The following GRID2 variants were observed in gnomAD, a reference collection of about 807,000 sequenced individuals.
The protein encoded by GRID2 is glutamate ionotropic receptor delta type subunit 2.
In GRID2, 33 loss-of-function variants were observed where a neutral mutation model predicts 114.8. That is an observed-to-expected ratio of 0.29 (90% confidence interval 0.22 to 0.38). The LOEUF is 0.38. GRID2 is among the 10% of genes least tolerant of loss of function. GRID2 has a pLI of 1.00. For missense variants in GRID2, 1,184 were observed against 1,257.7 expected (o/e 0.94, Z 0.89); for synonymous variants, 505 against 449.9 (o/e 1.12, Z -1.55).
intron 2 of GRID2, among the ~76,000 whole-genome samples, chr4:93,052,626 G>A (rs1368643457): frequency 1.3e-5 from 2 of 151,828 alleles, no homozygotes; most frequent in South Asian, 2.1e-4. Context: ...ACAATGTTAC[G>A]GGTCAACCAC....
intron 14 of GRID2, among the ~76,000 whole-genome samples, chr4:93,765,080 G>C (rs1402061760): frequency 6.6e-6 from 1 of 152,128 alleles, no homozygotes; most frequent in East Asian, 1.9e-4. Flanking sequence ...CTTATTATAA[G>C]AATTCATCCT....
intron 1 of GRID2, among the ~76,000 whole-genome samples, chr4:92,575,791 C>T (rs1377370129): frequency 6.6e-6 from 1 of 152,162 alleles, no homozygotes; most frequent in Non-Finnish European, 1.5e-5. Context: ...TCTGGACCAG[C>T]TGAGATATTT....
At position 92,912,543 on chromosome 4, in the gene GRID2, A is replaced by C. The variant is rs1748470861; in HGVS notation, c.245-172452A>C. Among the ~76,000 whole-genome samples, 3 of 151,890 alleles carry C rather than the reference A, an allele frequency of 2.0e-5. No individual in the cohort carries two copies. The South Asian group carries it at 6.2e-4, about 31-fold the overall frequency. On this transcript the variant is annotated intron_variant, in intron 2 of 15. Coordinates refer to ENST00000282020, the MANE Select transcript of GRID2 (RefSeq NM_001510.4). ...ATACCTTATTCCATAATATATATAAAGAAAGTTGTTATTATAGTCATTACC... is the reference window on the plus strand; with the variant it reads ...ATACCTTATTCCATAATATATATAACGAAAGTTGTTATTATAGTCATTACC...
Position 92,628,917 on chromosome 4 carries a change from G to A in GRID2, c.244+38631G>A, listed in dbSNP as rs529995111. On this transcript the variant is annotated intron_variant, in intron 2 of 15. Transcript: ENST00000282020. ...CATTTTCCTTTCACTTTTTCTTTGT[G>A]TGTTAGAATTTTATTTTGTGCCAGT... is the stretch of plus-strand genomic sequence containing the variant. Among the ~76,000 whole-genome samples, 71 of 151,702 alleles carry A rather than the reference G, an allele frequency of 4.7e-4. 1 individual carries two copies. The South Asian group carries it at 0.015, about 31-fold the overall frequency.
intron 8 of GRID2, among the ~76,000 whole-genome samples, chr4:93,263,349 T>C (rs1468168820): frequency 6.6e-6 from 1 of 152,034 alleles, no homozygotes; most frequent in East Asian, 1.9e-4. Context: ...CAGCAAGATA[T>C]CAGACTCATA....
At chr4:92,573,928 T>G (rs904155303) in intron 1 of GRID2, among the ~76,000 whole-genome samples, 11 of 152,176 alleles carry the variant, frequency 7.2e-5, no homozygotes, top group African/African-American at 2.4e-4. Context: ...ACAGTATTAC[T>G]TTGTAGAAGC....
At chr4:93,257,093 T>G (rs1749682057) in intron 8 of GRID2, among the ~76,000 whole-genome samples, 1 of 151,768 alleles carries the variant, frequency 6.6e-6, no homozygotes, top group South Asian at 2.1e-4. Flanking sequence ...AAGTCAATAA[T>G]AAGTAGAAAA....
intron 2 of GRID2, among the ~76,000 whole-genome samples, chr4:92,919,308 G>T (rs1165499109): frequency 6.6e-6 from 1 of 151,918 alleles, no homozygotes; most frequent in Non-Finnish European, 1.5e-5. Flanking sequence ...ACCAGCTCCT[G>T]GATTCATTGA....
intron 12 of GRID2, among the ~76,000 whole-genome samples, chr4:93,493,187 G>T (rs1727184294): frequency 6.6e-6 from 1 of 151,800 alleles, no homozygotes. Context: ...CAAAATTTAT[G>T]TAGTTCACAT....
At chr4:92,578,721 T>TATCAATCAATCA (rs1553902708) in intron 1 of GRID2, among the ~76,000 whole-genome samples, 2 of 138,496 alleles carry the variant, frequency 1.4e-5, no homozygotes, top group African/African-American at 5.6e-5. Context: ...TATCATTATC[T>TATCAATCAATCA]ATCTATCTAT....
At chr4:93,537,947 T>C (rs1732261903) in intron 13 of GRID2, among the ~76,000 whole-genome samples, 2 of 151,830 alleles carry the variant, frequency 1.3e-5, no homozygotes, top group Admixed American at 1.3e-4. Context: ...AATCAATAAT[T>C]TCTAGGTAAG....
intron 4 of GRID2, among the ~76,000 whole-genome samples, chr4:93,125,475 T>C (rs576835730): frequency 1.6e-4 from 24 of 152,248 alleles, no homozygotes; most frequent in Middle Eastern, 3.4e-3. Context: ...GATGGCTAGT[T>C]GAAACATAAT....
intron 2 of GRID2, among the ~76,000 whole-genome samples, chr4:93,071,414 C>A (rs1728793154): frequency 6.6e-6 from 1 of 151,980 alleles, no homozygotes; most frequent in South Asian, 2.1e-4. Flanking sequence ...CATAAAGCTC[C>A]TGCTCTTATG....
intron 14 of GRID2, among the ~76,000 whole-genome samples, chr4:93,679,084 T>A (rs1365261595): frequency 2.0e-5 from 3 of 150,902 alleles, no homozygotes; most frequent in African/African-American, 7.4e-5. Flanking sequence ...TGGAGGAAGA[T>A]CTACCAAGCA....
At chr4:92,479,775 A>T (rs767213542) in intron 1 of GRID2, among the ~76,000 whole-genome samples, 2 of 152,178 alleles carry the variant, frequency 1.3e-5, no homozygotes, top group Admixed American at 6.5e-5. Flanking sequence ...TAATTCCAAA[A>T]GTGGAGACTT....
At chr4:93,371,097 C>T (rs1762859072) in intron 8 of GRID2, among the ~76,000 whole-genome samples, 1 of 152,128 alleles carries the variant, frequency 6.6e-6, no homozygotes, top group Non-Finnish European at 1.5e-5. Context: ...TCACTGTAGG[C>T]ACTGCACAAA....
intron 2 of GRID2, among the ~76,000 whole-genome samples, chr4:92,765,131 A>G (rs539954041): frequency 3.9e-5 from 6 of 152,306 alleles, no homozygotes; most frequent in Admixed American, 2.6e-4. Context: ...CTTTTGAGGA[A>G]AAACACCTGC....
chr4:93,112,853 GTGTT>G (rs1396864664), intron 4 of GRID2, among the ~76,000 whole-genome samples: 4 of 151,996 alleles, frequency 2.6e-5, no homozygotes, highest in Non-Finnish European at 4.4e-5. Flanking sequence ...TCTTCTCTTC[GTGTT>G]TGTTTGTGTA....
chr4:92,722,640 A>G (rs1735866158), intron 2 of GRID2, among the ~76,000 whole-genome samples: 1 of 152,126 alleles, frequency 6.6e-6, no homozygotes. Context: ...GACTGTTTAC[A>G]TATTAAATCT....
Sources: gnomAD v4.1 joint callset for allele counts (sites outside exome capture counted in the v4.1 genomes callset) on GRCh38, gnomAD v4.1.1 for gene constraint, MANE v1.5 for transcripts, NCBI Gene and HGNC (gene_info 2026-07-23, HGNC 2026-07-21) for gene names.